The following MFF variants were observed in gnomAD, a reference collection of about 807,000 sequenced individuals.
The protein encoded by MFF is chromosome 2 open reading frame 33.
In MFF, 12 loss-of-function variants were observed where a neutral mutation model predicts 36.9. That is an observed-to-expected ratio of 0.33 (90% CI 0.21 to 0.53). The LOEUF is 0.53. Ranked by LOEUF, MFF falls within the 20% of genes least tolerant of loss-of-function variation. MFF has a pLI of 0.95. For missense variants in MFF, 348 were observed against 366.6 expected (o/e 0.95, Z 0.42); for synonymous variants, 99 against 126.2 (o/e 0.78, Z 1.44).
intron 4 of MFF, among the ~76,000 whole-genome samples, chr2:227,334,547 C>T (rs1410970810): frequency 6.6e-6 from 1 of 152,036 alleles, no homozygotes; most frequent in East Asian, 1.9e-4. Flanking sequence ...AACTCAGAAT[C>T]GATAAAGTGA....
intron 6 of MFF, among the ~76,000 whole-genome samples, chr2:227,350,715 G>A (rs530709278): frequency 5.0e-4 from 76 of 152,050 alleles, no homozygotes; most frequent in Non-Finnish European, 9.6e-4. Flanking sequence ...ATTCTGTTAC[G>A]TCAGAGTGTA....
At chr2:227,328,317 A>C (rs1248696520) in intron 1 of MFF, among the ~76,000 whole-genome samples, 1 of 148,190 alleles carries the variant, frequency 6.7e-6, no homozygotes, top group Non-Finnish European at 1.5e-5. Context: ...AAAAAAAAAA[A>C]AAACCAATTC....
Position 227,332,922 on chromosome 2 carries a change from A to G in MFF, c.351+334A>G, listed in dbSNP as rs148311813. 7.0e-4 allele frequency among the ~76,000 whole-genome samples: 107 copies of G among 152,358 alleles called. 1 individual carries two copies. The highest frequency in any genetic ancestry group is 2.5e-3 in the South Asian group (12 of 4,834). ...TAAGAAGTAAATGTATCACTTTGTT[A>G]TAAAATCAGTCTAGCAAACAGGGCA... On this transcript the variant is annotated intron_variant, in intron 4 of 8. Transcript: ENST00000304593.
Position 227,357,183 on chromosome 2 carries a change from T to C in MFF, c.*66T>C. 6.4e-7 allele frequency: 1 copy of C among 1,554,078 alleles called. No individual in the cohort carries two copies. Among genetic ancestry groups the C allele is most frequent in the Non-Finnish European group, 8.7e-7 (1 of 1,142,888 alleles). On this transcript the variant is annotated 3_prime_UTR_variant, in exon 9 of 9. Transcript: ENST00000304593. ...AAATATAAAAGATTTGCAAACTTCT[T>C]TGTTTCTGTCTCTGCATTGTATGCC...
rs752260504 is a variant in MFF at position 227,347,346 on chromosome 2, A to T, written c.561A>T (p.Ala187=). Residue 187 remains alanine (A), a synonymous_variant, in exon 6 of 9, where the codon GCA becomes GCT. Transcript: ENST00000304593. ...TTATCCAGTCTTCTACTCGTAGGGC[A>T]TACCAGCAGATCTTGGATGTGCTGG... ...LSLIQSSTRR[A]YQQILDVLDE... 3.1e-6 allele frequency: 5 copies of T among 1,613,790 alleles called. No individual in the cohort carries two copies. Among genetic ancestry groups the T allele is most frequent in the Non-Finnish European group, 4.2e-6 (5 of 1,179,744 alleles).
chr2:227,353,751 TTTGC>T (rs1359938439), intron 7 of MFF, among the ~76,000 whole-genome samples: 2 of 152,200 alleles, frequency 1.3e-5, no homozygotes, highest in African/African-American at 2.4e-5. Flanking sequence ...CTTATATTTC[TTTGC>T]AAATCGAGAT....
chr2:227,330,562 T>G, intron 2 of MFF, 64 bp from the exon 3 acceptor site: 3 of 1,193,592 alleles, frequency 2.5e-6, no homozygotes, highest in Non-Finnish European at 3.7e-6. Flanking sequence ...GTCTTCTAAC[T>G]TCACTGCGTA....
At chr2:227,336,281 T>C (rs768333454) in intron 4 of MFF, among the ~76,000 whole-genome samples, 12 of 152,206 alleles carry the variant, frequency 7.9e-5, no homozygotes, top group Non-Finnish European at 1.8e-4. Context: ...CTAAGAGCTT[T>C]GTGAGAAGGC....
At chr2:227,338,783 C>T (rs542791557) in intron 4 of MFF, among the ~76,000 whole-genome samples, 9 of 150,652 alleles carry the variant, frequency 6.0e-5, no homozygotes, top group East Asian at 5.9e-4. Flanking sequence ...TGAGTCAAGC[C>T]GAGATTGTGC....
intron 1 of MFF, among the ~76,000 whole-genome samples, chr2:227,327,593 T>C (rs1177003687): frequency 3.9e-5 from 6 of 152,226 alleles, no homozygotes; most frequent in Non-Finnish European, 8.8e-5. Context: ...CCACCTTTAT[T>C]TTCTAAGTCA....
Position 227,339,760 on chromosome 2 carries a change from A to G in MFF, c.352-532A>G, listed in dbSNP as rs139192796. ...ATGAAGAAGGTCAAAGATACATTTC[A>G]TAAGAAGAGCATGTGGGATTAGAGA... On this transcript the variant is annotated intron_variant, in intron 4 of 8. Coordinates refer to ENST00000304593, the MANE Select transcript of MFF (RefSeq NM_001277062.2). Among the ~76,000 whole-genome samples the G allele has an allele frequency of 4.3e-3, 656 of 152,372 alleles. 7 individuals are homozygous for G. Among genetic ancestry groups the G allele is most frequent in the African/African-American group, 0.015 (637 of 41,582 alleles).
At chr2:227,354,469 A>C (rs886727218) in intron 7 of MFF, among the ~76,000 whole-genome samples, 1 of 152,290 alleles carries the variant, frequency 6.6e-6, no homozygotes, top group Non-Finnish European at 1.5e-5. Context: ...TTACTATGCC[A>C]TTTTACTAAA....
At chr2:227,345,362 G>A (rs1433971522) in intron 5 of MFF, among the ~76,000 whole-genome samples, 2 of 151,914 alleles carry the variant, frequency 1.3e-5, no homozygotes, top group African/African-American at 4.8e-5. Flanking sequence ...ATTGATTATT[G>A]TAGCCTTTAA....
intron 6 of MFF, among the ~76,000 whole-genome samples, chr2:227,350,513 T>C (rs1002813615): frequency 6.6e-5 from 10 of 152,230 alleles, no homozygotes; most frequent in South Asian, 4.1e-4. Context: ...AAGAAACCAA[T>C]GTATGAATAA....
rs544750575 is a variant in MFF at position 227,357,637 on chromosome 2, C to T, written c.*520C>T. On this transcript the variant is annotated 3_prime_UTR_variant, in exon 9 of 9. Transcript: ENST00000304593. ...GAACCACCTAATATTTCATAACCTTCTTCATTAGGTACTTGTACAGATTAA... is the reference window on the plus strand; with the variant it reads ...GAACCACCTAATATTTCATAACCTTTTTCATTAGGTACTTGTACAGATTAA... The T allele has an allele frequency of 7.7e-4, 119 of 154,118 alleles. No homozygotes were observed. The highest frequency in any genetic ancestry group is 1.4e-3 in the Non-Finnish European group (96 of 69,124). 9.5% of individuals were successfully genotyped at this position (154,118 alleles called of 1,614,324 possible). A position where few individuals can be genotyped will look rare whatever the true frequency, so the allele number is the denominator to read the frequency against.
In MFF at chr2:227,355,739, A is replaced by G; in HGVS notation, c.722A>G (p.Asp241Gly). 6.2e-7 allele frequency: 1 copy of G among 1,609,426 alleles called. No homozygotes were observed. Among genetic ancestry groups the G allele is most frequent in the South Asian group, 1.1e-5 (1 of 90,906 alleles). The change falls in exon 8 of 9, where the codon GAT (aspartate) becomes GGT (glycine). Residue 241 changes from aspartate (D) to glycine (G), a missense_variant. Physicochemically the swap from Asp to Gly is moderately conservative, Grantham distance 94. Coordinates refer to ENST00000304593, the MANE Select transcript of MFF (RefSeq NM_001277062.2). ...EGTSDDLTVVDAASLRRQIIK... is the reference protein window; with the variant it reads ...EGTSDDLTVVGAASLRRQIIK... ...ACGTCAGATGACCTGACTGTTGTAG[A>G]TGCAGCTTCACTAAGACGACAGGTA...
intron 6 of MFF, 71 bp from the exon 7 acceptor site, chr2:227,352,443 T>G: frequency 9.3e-7 from 1 of 1,080,586 alleles, no homozygotes; most frequent in East Asian, 2.4e-5. Flanking sequence ...TGTCTTGTTT[T>G]TGCTTTTATT....
In MFF at chr2:227,340,277, T is replaced by G. The variant is rs2075317452; in HGVS notation, c.352-15T>G. 3 of 1,591,332 alleles carry G rather than the reference T, an allele frequency of 1.9e-6. No homozygotes were observed. Among genetic ancestry groups the G allele is most frequent in the East Asian group, 4.5e-5 (2 of 44,740 alleles). On this transcript the variant is annotated splice_polypyrimidine_tract_variant and intron_variant, in intron 4 of 8. Coordinates refer to ENST00000304593, the MANE Select transcript of MFF (RefSeq NM_001277062.2). ...GAATATTTCTATTTCCTTCCCTCTC[T>G]TTGTGCCTTAACAGATCCGAGCAGT...
intron 8 of MFF, 131 bp from the exon 9 acceptor site, chr2:227,356,855 A>G: frequency 1.4e-6 from 1 of 735,294 alleles, no homozygotes; most frequent in Non-Finnish European, 2.2e-6. Context: ...TTTTGCTCCA[A>G]ATGAAACTTT....
Sources: gnomAD v4.1 joint callset for allele counts (sites outside exome capture counted in the v4.1 genomes callset) on GRCh38, gnomAD v4.1.1 for gene constraint, MANE v1.5 for transcripts, NCBI Gene and HGNC (gene_info 2026-07-23, HGNC 2026-07-21) for gene names.